Variants in ZNF18 observed in about 807,000 individuals in gnomAD.
The protein encoded by ZNF18 is zinc finger protein 18.
A neutral mutation model predicts 58.1 loss-of-function variants in ZNF18; 42 were observed. The observed-to-expected ratio is 0.72, with a 90% CI of 0.56 to 0.93. The LOEUF is 0.93. Ranked by LOEUF, ZNF18 falls within the 40% of genes least tolerant of loss-of-function variation. The pLI, the probability that ZNF18 is intolerant of heterozygous loss-of-function variation, is 0.00. For synonymous variants in ZNF18, 231 were observed against 239.8 expected (o/e 0.96, Z 0.34); for missense variants, 540 against 644.2 (o/e 0.84, Z 1.75).
In ZNF18 at chr17:11,990,507, G is replaced by T. The variant is rs981477075; in HGVS notation, c.621C>A (p.Ile207=). 20 of 1,612,704 alleles carry T rather than the reference G, an allele frequency of 1.2e-5. No individual in the cohort carries two copies. Among genetic ancestry groups the T allele is most frequent in the Admixed American group, 3.3e-5 (2 of 59,896 alleles). The change falls in exon 4 of 7, where the codon ATC becomes ATA. Residue 207 remains isoleucine (I), a synonymous_variant. Transcript: ENST00000580306. ...SQPARLEERL[I]RDQDLGASLL... is the part of the protein sequence containing the mutation. ...GTGAGGCTCCGAGGTCCTGGTCTCT[G>T]ATCAGCCTTTCCTCCAGTCGGGCAG...
intron 6 of ZNF18, among the ~76,000 whole-genome samples, chr17:11,979,435 C>T (rs1186689557): frequency 6.6e-6 from 1 of 152,174 alleles, no homozygotes; most frequent in Non-Finnish European, 1.5e-5. Context: ...ACCACAGCTG[C>T]AATGCAGCGG....
At chr17:11,989,876 T>G (rs1164225836) in intron 4 of ZNF18, among the ~76,000 whole-genome samples, 1 of 152,134 alleles carries the variant, frequency 6.6e-6, no homozygotes, top group Non-Finnish European at 1.5e-5. Flanking sequence ...AAGAAAAGAT[T>G]AATGAACTTT....
chr17:12,005,822 G>A, the ZNF18 span, among the ~76,000 whole-genome samples: 68 of 152,140 alleles, frequency 4.5e-4, 1 homozygote, highest in East Asian at 0.013. Context: ...GTTTTATAAT[G>A]TACAACATGT....
intron 1 of ZNF18, chr17:11,993,718 G>A (rs563053999): frequency 6.6e-5 from 10 of 151,112 alleles, no homozygotes; most frequent in South Asian, 2.1e-4. Context: ...CAGCTACTCA[G>A]GAGGCTGAGG....
chr17:12,001,355 C>T (rs1259091763), upstream of ZNF18, among the ~76,000 whole-genome samples: 2 of 152,132 alleles, frequency 1.3e-5, no homozygotes, highest in Admixed American at 6.6e-5. Flanking sequence ...TCGGGCCGGG[C>T]GCGGTGGCTT....
Position 11,978,406 on chromosome 17 carries a change from C to T in ZNF18, c.1201G>A (p.Ala401Thr). The T allele has an allele frequency of 1.9e-6, 3 of 1,545,880 alleles. No homozygotes were observed. The highest frequency in any genetic ancestry group is 2.8e-5 in the African/African-American group (2 of 72,506). ...RETSQKGQPR[A>T]PMAQKLPTCR... ...GTGGGGAGCTTCTGGGCCATGGGGG[C>T]TCTTGGCTGCCCCTTCTGGGAGGTC... The change falls in exon 7 of 7, where the codon GCC (alanine) becomes ACC (threonine). Residue 401 changes from alanine (A) to threonine (T), a missense_variant. By Grantham distance (58) the Ala-to-Thr change is moderately conservative. Coordinates refer to ENST00000580306, the MANE Select transcript of ZNF18 (RefSeq NM_001303281.2).
At chr17:12,005,413 A>T in the ZNF18 span, among the ~76,000 whole-genome samples, 2 of 152,142 alleles carry the variant, frequency 1.3e-5, no homozygotes, top group African/African-American at 4.8e-5. Context: ...ATGAAAATGT[A>T]ATGTCTCTTC....
the ZNF18 span, among the ~76,000 whole-genome samples, chr17:12,006,678 G>A: frequency 6.6e-6 from 1 of 152,134 alleles, no homozygotes; most frequent in African/African-American, 2.4e-5. Context: ...TTAAGCCTTG[G>A]AGGTTGAGGT....
the ZNF18 span, among the ~76,000 whole-genome samples, chr17:12,005,898 C>T: frequency 1.3e-5 from 2 of 152,038 alleles, no homozygotes; most frequent in African/African-American, 4.8e-5. Context: ...GCTACATAGT[C>T]TCAAAATACT....
At chr17:12,000,680 C>A (rs1399167132), upstream of ZNF18, among the ~76,000 whole-genome samples, 1 of 152,132 alleles carries the variant, frequency 6.6e-6, no homozygotes, top group Admixed American at 6.5e-5. Context: ...CACACCATTG[C>A]ACTCTAGCCT....
At chr17:11,990,874 G>C in intron 3 of ZNF18, 100 bp downstream of exon 3, 2 of 1,326,448 alleles carry the variant, frequency 1.5e-6, no homozygotes, top group Non-Finnish European at 2.1e-6. Flanking sequence ...ACCTCTCAGG[G>C]ATACGCCAAT....
At chr17:11,983,534 C>T in intron 5 of ZNF18, 127 bp from the exon 6 acceptor site, 2 of 677,812 alleles carry the variant, frequency 3.0e-6, no homozygotes, top group Non-Finnish European at 2.6e-6. Flanking sequence ...TGCAGAAACT[C>T]ACCTTAGAAC....
intron 4 of ZNF18, among the ~76,000 whole-genome samples, chr17:11,984,517 G>GT (rs36063923): frequency 0.01 from 1,453 of 143,826 alleles, 22 homozygotes; most frequent in African/African-American, 0.033. Flanking sequence ...TTTTATTTGG[G>GT]TTTTTTTTTT....
chr17:12,016,021 C>A, the ZNF18 span, among the ~76,000 whole-genome samples: 1 of 152,162 alleles, frequency 6.6e-6, no homozygotes. Flanking sequence ...AAACACCTGA[C>A]CTCAAGTAAT....
the ZNF18 span, among the ~76,000 whole-genome samples, chr17:12,011,949 T>C: frequency 1.3e-5 from 2 of 152,134 alleles, no homozygotes; most frequent in African/African-American, 4.8e-5. Context: ...TCTGCCCACC[T>C]CAGCCTCCCA....
the ZNF18 span, chr17:12,020,880 C>T: frequency 1.7e-6 from 2 of 1,187,732 alleles, no homozygotes; most frequent in Middle Eastern, 3.3e-4. Context: ...GCTCTTCACT[C>T]CCAACAATGG....
chr17:12,011,435 G>A, the ZNF18 span, among the ~76,000 whole-genome samples: 1 of 152,018 alleles, frequency 6.6e-6, no homozygotes, highest in South Asian at 2.1e-4. Context: ...GCCTAGGCTG[G>A]AGTGCAGTGG....
intron 4 of ZNF18, 29 bp downstream of exon 4, chr17:11,990,433 C>T (rs1284557836): frequency 1.3e-6 from 2 of 1,592,622 alleles, no homozygotes; most frequent in Non-Finnish European, 1.7e-6. Context: ...AAAAAGTTTC[C>T]TTTTCATCGC....
chr17:12,004,730 T>C, the ZNF18 span, among the ~76,000 whole-genome samples: 2 of 151,626 alleles, frequency 1.3e-5, no homozygotes, highest in East Asian at 3.9e-4. Context: ...CTACTAAAAA[T>C]ACAAAAATTA....
Sources: allele counts gnomAD v4.1 joint callset (sites outside exome capture counted in the v4.1 genomes callset), GRCh38; gene constraint gnomAD v4.1.1; transcripts MANE v1.5; gene names NCBI Gene and HGNC (gene_info 2026-07-23, HGNC 2026-07-21).